The following VPS37A variants were observed in gnomAD, a reference collection of about 807,000 sequenced individuals.
The protein encoded by VPS37A is VPS37A subunit of ESCRT-I.
In VPS37A, 30 loss-of-function variants were observed where a neutral mutation model predicts 49.8. That is an observed-to-expected ratio of 0.60 (90% CI 0.45 to 0.82). The LOEUF (loss-of-function observed/expected upper bound fraction) is 0.82. Ranked by LOEUF, VPS37A falls within the 40% of genes least tolerant of loss-of-function variation. VPS37A has a pLI of 0.00. For synonymous variants in VPS37A, 195 were observed against 160.6 expected, an observed-to-expected ratio of 1.21 and a Z score of -1.62; for missense variants, 593 against 464.4, an observed-to-expected ratio of 1.28 and a Z score of -2.55.
At position 17,280,148 on chromosome 8, in the gene VPS37A, A is replaced by G. The variant is rs541623528; in HGVS notation, c.834A>G (p.Glu278=). The change falls in exon 7 of 12, where the codon GAA becomes GAG. Residue 278 remains glutamate, a synonymous_variant. Transcript: ENST00000324849. ...ATGACTTAGTAAAAAGTATTGAGGA[A>G]CTAGCAAGTATGTTTTCCCTCTCCT... ...DKDDLVKSIE[E]LARKNLLLEP... 8.0e-4 allele frequency: 1,285 copies of G among 1,612,356 alleles called. 27 individuals are homozygous for G. The South Asian group carries it at 0.013, about 17-fold the overall frequency.
At chr8:17,258,900 A>G (rs2150359083) in intron 1 of VPS37A, among the ~76,000 whole-genome samples, 1 of 152,168 alleles carries the variant, frequency 6.6e-6, no homozygotes, top group African/African-American at 2.4e-5. Context: ...TTTAGCATAT[A>G]ATTCATAGTG....
At chr8:17,252,217 G>C (rs1812045726) in intron 1 of VPS37A, among the ~76,000 whole-genome samples, 2 of 152,144 alleles carry the variant, frequency 1.3e-5, no homozygotes, top group East Asian at 3.9e-4. Context: ...CTGTTACCCA[G>C]GCTAGAGTGC....
intron 1 of VPS37A, among the ~76,000 whole-genome samples, chr8:17,248,835 T>C (rs983260041): frequency 6.6e-6 from 1 of 152,194 alleles, no homozygotes; most frequent in Admixed American, 6.5e-5. Context: ...CAGAAAAGAA[T>C]GGCAGGCTGT....
chr8:17,274,400 A>T (rs1002146412), intron 4 of VPS37A, among the ~76,000 whole-genome samples: 30 of 152,296 alleles, frequency 2.0e-4, no homozygotes, highest in Non-Finnish European at 3.5e-4. Context: ...CTCTATGGAG[A>T]TACTGATTGA....
At chr8:17,300,209 G>C, downstream of VPS37A, 2 of 1,602,388 alleles carry the variant, frequency 1.2e-6, no homozygotes, top group Non-Finnish European at 1.7e-6. Context: ...TGGACCTTTT[G>C]AATTTTTTCC....
At chr8:17,302,170 A>C (rs1004380602), downstream of VPS37A, 1 of 1,614,030 alleles carries the variant, frequency 6.2e-7, no homozygotes, top group African/African-American at 1.3e-5. Flanking sequence ...CAGGGCCTCT[A>C]GTTCTTCCTC....
rs1361492192 is a variant in VPS37A at position 17,295,042 on chromosome 8, G to GT, written c.*60dup. Reference sequence around the variant, plus strand: ...GGAATGGGACACAAAACCAAACACTGTTTTATATTTATGGTTTGCAAACTG... The same window carrying GT: ...GGAATGGGACACAAAACCAAACACTGTTTTTATATTTATGGTTTGCAAACTG... On this transcript the variant is annotated 3_prime_UTR_variant, in exon 12 of 12. Coordinates refer to ENST00000324849, the MANE Select transcript of VPS37A (RefSeq NM_152415.3). The GT allele has an allele frequency of 6.6e-6, 1 of 152,630 alleles. No homozygotes were observed. Among genetic ancestry groups the GT allele is most frequent in the Non-Finnish European group, 1.5e-5 (1 of 68,042 alleles). The allele number at this position is 152,630 out of a possible 1,614,324, so 9.5% of individuals were successfully genotyped here. A position where few individuals can be genotyped will look rare whatever the true frequency, so the allele number is the denominator to read the frequency against.
At position 17,297,303 on chromosome 8, in the gene VPS37A, G is replaced by T. The variant is rs1816739611; in HGVS notation, c.*2317G>T. The T allele has an allele frequency of 6.6e-6, 1 of 152,060 alleles. No individual in the cohort carries two copies. 9.4% of individuals were successfully genotyped at this position (152,060 alleles called of 1,614,324 possible). ...CAATCAGTGAGATATAAACTAAACA[G>T]ACCCACTTCAAAGTTGAAAGAAATT... On this transcript the variant is annotated 3_prime_UTR_variant, in exon 12 of 12. Coordinates refer to ENST00000324849, the MANE Select transcript of VPS37A (RefSeq NM_152415.3).
intron 9 of VPS37A, among the ~76,000 whole-genome samples, chr8:17,283,345 G>C (rs1033989221): frequency 4.6e-5 from 7 of 151,946 alleles, no homozygotes; most frequent in Non-Finnish European, 8.8e-5. Flanking sequence ...TTGTAGAGAC[G>C]GGGTCTCGCT....
At chr8:17,304,562 C>G, downstream of VPS37A, 2 of 1,585,222 alleles carry the variant, frequency 1.3e-6, no homozygotes, top group Middle Eastern at 1.9e-4. Context: ...TATTTTGGTG[C>G]TTACACACAG....
chr8:17,323,332 T>G, the VPS37A span, among the ~76,000 whole-genome samples: 1 of 152,132 alleles, frequency 6.6e-6, no homozygotes, highest in Non-Finnish European at 1.5e-5. Flanking sequence ...TCTACATCCC[T>G]TGACTCCACT....
intron 1 of VPS37A, chr8:17,248,211 G>A: frequency 2.4e-6 from 1 of 411,184 alleles, no homozygotes; most frequent in Non-Finnish European, 4.7e-6. Flanking sequence ...TTACTTAACA[G>A]TTTCACACTA....
At chr8:17,294,143 G>T (rs889533732) in intron 11 of VPS37A, among the ~76,000 whole-genome samples, 1 of 152,234 alleles carries the variant, frequency 6.6e-6, no homozygotes, top group African/African-American at 2.4e-5. Context: ...TTTCAGAGAT[G>T]CCCTGCCCAG....
downstream of VPS37A, chr8:17,306,080 G>A (rs942964251): frequency 1.0e-5 from 8 of 765,840 alleles, no homozygotes; most frequent in Non-Finnish European, 1.6e-5. Context: ...TACAAACTTG[G>A]AATGACAAAA....
chr8:17,252,171 T>A (rs894534238), intron 1 of VPS37A, among the ~76,000 whole-genome samples: 1 of 152,196 alleles, frequency 6.6e-6, no homozygotes, highest in African/African-American at 2.4e-5. Context: ...CCAGGTTTCC[T>A]TTTTATTTAT....
downstream of VPS37A, chr8:17,300,356 G>C: frequency 9.9e-7 from 1 of 1,014,290 alleles, no homozygotes; most frequent in South Asian, 1.8e-5. Flanking sequence ...AGGGATGTGA[G>C]TTCAAACCTG....
intron 1 of VPS37A, among the ~76,000 whole-genome samples, chr8:17,252,243 GCTTACCGCAGCAATCC>G (rs1249454094): frequency 2.6e-5 from 4 of 152,172 alleles, no homozygotes; most frequent in Non-Finnish European, 5.9e-5. Context: ...CACGATCACA[GCTTACCGCAGCAATCC>G]TCCCACCTCA....
chr8:17,298,771 T>G (rs988056617), downstream of VPS37A: 16 of 152,704 alleles, frequency 1.0e-4, no homozygotes, highest in African/African-American at 3.4e-4. Context: ...CTTTTTTAAC[T>G]CATAAGATAG....
intron 9 of VPS37A, among the ~76,000 whole-genome samples, chr8:17,281,557 TC>T (rs1386225185): frequency 6.6e-6 from 1 of 151,996 alleles, no homozygotes; most frequent in Non-Finnish European, 1.5e-5. Context: ...ACTACACATT[TC>T]TAGGATCCCA....
Sources: allele counts gnomAD v4.1 joint callset (sites outside exome capture counted in the v4.1 genomes callset), GRCh38; gene constraint gnomAD v4.1.1; transcripts MANE v1.5; gene names NCBI Gene and HGNC (gene_info 2026-07-23, HGNC 2026-07-21).